Variants in TUBD1 observed in about 807,000 individuals in gnomAD.
TUBD1 encodes the protein tubulin delta 1.
In TUBD1, 38 loss-of-function variants were observed where a neutral mutation model predicts 51.2. The observed-to-expected ratio is 0.74, with a 90% CI of 0.57 to 0.97. The LOEUF (loss-of-function observed/expected upper bound fraction) is 0.97, where lower values mean the gene tolerates loss of function less well. Ranked by LOEUF, TUBD1 falls within the 50% of genes least tolerant of loss-of-function variation. The pLI, the probability that TUBD1 is intolerant of heterozygous loss-of-function variation, is 0.00. For missense variants in TUBD1, 489 were observed against 538.4 expected, an observed-to-expected ratio of 0.91 and a Z score of 0.91; for synonymous variants, 169 against 178.2, an observed-to-expected ratio of 0.95 and a Z score of 0.41.
chr17:59,870,934 T>C (rs2144480830), intron 6 of TUBD1, among the ~76,000 whole-genome samples: 1 of 152,296 alleles, frequency 6.6e-6, no homozygotes, highest in African/African-American at 2.4e-5. Context: ...TAAATAAAGC[T>C]TACCTTCTAC....
chr17:59,865,385 G>A (rs1037120612), intron 7 of TUBD1, among the ~76,000 whole-genome samples: 1 of 151,664 alleles, frequency 6.6e-6, no homozygotes, highest in Admixed American at 6.7e-5. Flanking sequence ...TTTGAGACCA[G>A]CCTGGTCAAT....
At chr17:59,876,780 T>C (rs2040244219) in intron 5 of TUBD1, among the ~76,000 whole-genome samples, 1 of 152,070 alleles carries the variant, frequency 6.6e-6, no homozygotes, top group Non-Finnish European at 1.5e-5. Flanking sequence ...AAGTGAGCCA[T>C]GGTGCCCGGC....
chr17:59,884,025 C>T (rs561629145), intron 3 of TUBD1, among the ~76,000 whole-genome samples: 19 of 151,974 alleles, frequency 1.3e-4, no homozygotes, highest in East Asian at 1.2e-3. Context: ...CTTTGGGAGG[C>T]GGAGGTGGGT....
rs190035565 is a variant in TUBD1 at position 59,877,255 on chromosome 17, C to T, written c.769+848G>A. Among the ~76,000 whole-genome samples, 9 of 152,340 alleles carry T rather than the reference C, an allele frequency of 5.9e-5. 1 individual carries two copies. Among genetic ancestry groups the T allele is most frequent in the African/African-American group, 2.4e-5 (1 of 41,578 alleles). ...CTCTTTCTGGCAAAATCCCAGTCTT[C>T]GGCCAACCCTGCTCCTCACCTTCTC... is the stretch of plus-strand genomic sequence containing the variant. On this transcript the variant is annotated intron_variant, in intron 5 of 8. Coordinates refer to ENST00000325752, the MANE Select transcript of TUBD1 (RefSeq NM_016261.4).
At chr17:59,889,547 T>C (rs1278884535) in intron 2 of TUBD1, among the ~76,000 whole-genome samples, 1 of 150,188 alleles carries the variant, frequency 6.7e-6, no homozygotes, top group Non-Finnish European at 1.5e-5. Flanking sequence ...CGCATGCCTG[T>C]AGTCCCAGCT....
chr17:59,862,274 G>C (rs917453658), intron 8 of TUBD1, among the ~76,000 whole-genome samples: 16 of 149,592 alleles, frequency 1.1e-4, no homozygotes, highest in African/African-American at 4.0e-4. Flanking sequence ...AGTGAGCAGA[G>C]ATCATGCCAT....
chr17:59,863,419 A>C (rs1280627860), intron 8 of TUBD1, among the ~76,000 whole-genome samples: 1 of 151,922 alleles, frequency 6.6e-6, no homozygotes, highest in Admixed American at 6.6e-5. Context: ...GACCAGCCTG[A>C]GCAACATGGT....
intron 7 of TUBD1, 37 bp downstream of exon 7, chr17:59,866,572 C>G: frequency 6.2e-7 from 1 of 1,610,378 alleles, no homozygotes; most frequent in Non-Finnish European, 8.5e-7. Context: ...TGTACAGGTA[C>G]AAAATGTAAA....
chr17:59,877,165 A>G (rs2040264562), intron 5 of TUBD1, among the ~76,000 whole-genome samples: 1 of 152,036 alleles, frequency 6.6e-6, no homozygotes, highest in African/African-American at 2.4e-5. Context: ...GGCCACCTTG[A>G]CCATTCTTAA....
chr17:59,874,180 C>T (rs1490467169), intron 6 of TUBD1, among the ~76,000 whole-genome samples: 3 of 124,032 alleles, frequency 2.4e-5, no homozygotes, highest in Non-Finnish European at 3.2e-5. Flanking sequence ...CAGAGCAAGA[C>T]TCAGTCTCAA....
intron 2 of TUBD1, among the ~76,000 whole-genome samples, chr17:59,887,907 C>T (rs1490199485): frequency 1.3e-5 from 2 of 151,692 alleles, no homozygotes; most frequent in Non-Finnish European, 2.9e-5. Flanking sequence ...ACTGGAATTA[C>T]AGTGAGACAC....
chr17:59,863,901 AAAAC>A (rs934040868), intron 7 of TUBD1, 54 bp from the exon 8 acceptor site: 267 of 1,294,948 alleles, frequency 2.1e-4, no homozygotes, highest in Middle Eastern at 1.3e-3. Flanking sequence ...AGTAATTGTG[AAAAC>A]AAACAAACAG....
intron 6 of TUBD1, among the ~76,000 whole-genome samples, chr17:59,871,966 T>TG (rs1373843051): frequency 1.3e-5 from 2 of 149,732 alleles, no homozygotes; most frequent in Admixed American, 1.3e-4. Flanking sequence ...CAGCATTTTT[T>TG]TTTTTGAGAC....
chr17:59,868,817 C>T (rs749542606), intron 6 of TUBD1, among the ~76,000 whole-genome samples: 2 of 150,318 alleles, frequency 1.3e-5, no homozygotes, highest in East Asian at 2.0e-4. Context: ...AGCCTGGCGA[C>T]GGAGCGAGAC....
At chr17:59,870,372 CAAAAAAAAAAAAA>C (rs530315478) in intron 6 of TUBD1, among the ~76,000 whole-genome samples, 6 of 77,966 alleles carry the variant, frequency 7.7e-5, no homozygotes, top group East Asian at 4.8e-4. Flanking sequence ...CTCCATCTCA[CAAAAAAAAAAAAA>C]AAAAAAAAAA....
At chr17:59,863,981 CAG>C in intron 7 of TUBD1, 134 bp from the exon 8 acceptor site, 4 of 742,630 alleles carry the variant, frequency 5.4e-6, no homozygotes, top group Non-Finnish European at 5.8e-6. Context: ...ATGGCTGGTG[CAG>C]AGACTTCCAG....
chr17:59,879,367 A>C (rs904053223), intron 4 of TUBD1, among the ~76,000 whole-genome samples: 33 of 152,320 alleles, frequency 2.2e-4, no homozygotes, highest in African/African-American at 7.9e-4. Flanking sequence ...CATGAGGTCA[A>C]GGTGTCTGCT....
intron 3 of TUBD1, 139 bp downstream of exon 3, chr17:59,885,944 G>T: frequency 1.1e-6 from 1 of 947,144 alleles, no homozygotes; most frequent in African/African-American, 1.7e-5. Context: ...TTTCTTCTGG[G>T]TAAAATAAAA....
intron 3 of TUBD1, chr17:59,885,499 G>A: frequency 6.3e-7 from 1 of 1,579,832 alleles, no homozygotes; most frequent in South Asian, 1.1e-5. Context: ...TCTGTACCTG[G>A]AACGAGGCGG....
Sources: allele counts gnomAD v4.1 joint callset (sites outside exome capture counted in the v4.1 genomes callset), GRCh38; gene constraint gnomAD v4.1.1; transcripts MANE v1.5; gene names NCBI Gene and HGNC (gene_info 2026-07-23, HGNC 2026-07-21).